SLC25A21: variants seen among roughly 807,000 people sequenced by gnomAD.
SLC25A21 encodes mitochondrial 2-oxodicarboxylate carrier.
Under a neutral mutation model 43.8 loss-of-function variants are expected in SLC25A21, and 47 were observed. The ratio of observed to expected loss-of-function variants is 1.07; its 90% confidence interval spans 0.85 to 1.37. The LOEUF (loss-of-function observed/expected upper bound fraction) is 1.37, where lower values mean the gene tolerates loss of function less well. Ranked by LOEUF, SLC25A21 falls within the 40% of genes most tolerant of loss-of-function variation. The probability of loss-of-function intolerance (pLI) is 0.00; values close to 1 mark genes in which losing one functional copy is unlikely to be tolerated. For missense variants in SLC25A21, 352 were observed against 350.2 expected (o/e 1.00, Z -0.04); for synonymous variants, 131 against 121.3 (o/e 1.08, Z -0.52).
At chr14:36,868,285 A>G (rs976418388) in intron 2 of SLC25A21, among the ~76,000 whole-genome samples, 2 of 152,170 alleles carry the variant, frequency 1.3e-5, no homozygotes, top group African/African-American at 4.8e-5. Context: ...AATTATACAC[A>G]CAGCTCTGTT....
At chr14:36,733,276 A>G (rs964914927) in intron 4 of SLC25A21, among the ~76,000 whole-genome samples, 4 of 152,222 alleles carry the variant, frequency 2.6e-5, no homozygotes, top group Non-Finnish European at 5.9e-5. Flanking sequence ...TCTTTTATCA[A>G]GTAAAGCCAT....
chr14:36,961,114 C>T (rs1195802305), intron 1 of SLC25A21, among the ~76,000 whole-genome samples: 1 of 129,484 alleles, frequency 7.7e-6, no homozygotes, highest in Admixed American at 7.9e-5. Context: ...ATACCACAAT[C>T]AATTAAAAAA....
chr14:36,762,589 T>C (rs1022677983), intron 3 of SLC25A21, among the ~76,000 whole-genome samples: 6 of 152,220 alleles, frequency 3.9e-5, no homozygotes, highest in African/African-American at 1.2e-4. Context: ...AAATATAAAC[T>C]GTCATCAATT....
At chr14:37,162,661 A>G (rs1259531417) in intron 1 of SLC25A21, among the ~76,000 whole-genome samples, 10 of 152,258 alleles carry the variant, frequency 6.6e-5, no homozygotes, top group East Asian at 1.9e-4. Flanking sequence ...GAGAGGATGT[A>G]GAGAAATAGG....
intron 1 of SLC25A21, among the ~76,000 whole-genome samples, chr14:37,040,219 A>T (rs1961418184): frequency 8.0e-5 from 1 of 12,566 alleles, no homozygotes; most frequent in Non-Finnish European, 1.2e-4. Context: ...AAAGAAAAAG[A>T]AAAAGAAAAA....
intron 3 of SLC25A21, among the ~76,000 whole-genome samples, chr14:36,785,613 G>A (rs1887221807): frequency 6.6e-6 from 1 of 152,088 alleles, no homozygotes; most frequent in Admixed American, 6.6e-5. Context: ...ATGAAAAGTG[G>A]GTTATACAGA....
At chr14:36,991,070 A>G (rs1178916321) in intron 1 of SLC25A21, among the ~76,000 whole-genome samples, 2 of 152,180 alleles carry the variant, frequency 1.3e-5, no homozygotes, top group African/African-American at 4.8e-5. Flanking sequence ...ATACTTCTGA[A>G]TCCTGTTTTA....
At position 37,172,590 on chromosome 14, in the gene SLC25A21, A is replaced by C. The variant is rs1964155676; in HGVS notation, c.-240T>G. 1 of 691,544 alleles carries C rather than the reference A, an allele frequency of 1.4e-6. No homozygotes were observed. The highest frequency in any genetic ancestry group is 2.6e-6 in the Non-Finnish European group (1 of 378,196). The allele number at this position is 691,544 out of a possible 1,614,324, so 42.8% of individuals were successfully genotyped here. A position where few individuals can be genotyped will look rare whatever the true frequency, so the allele number is the denominator to read the frequency against. ...CGCAGAGGCGCCCTCGGCTCCGAAAATGTCTCTGGAAAGAAGACCCGCGGA... is the reference window on the plus strand; with the variant it reads ...CGCAGAGGCGCCCTCGGCTCCGAAACTGTCTCTGGAAAGAAGACCCGCGGA... On this transcript the variant is annotated 5_prime_UTR_variant, in exon 1 of 10. Transcript: ENST00000331299.
chr14:36,987,705 T>C (rs1293442654), intron 1 of SLC25A21, among the ~76,000 whole-genome samples: 1 of 152,214 alleles, frequency 6.6e-6, no homozygotes, highest in Non-Finnish European at 1.5e-5. Context: ...GTTGTTTCCA[T>C]TTTTCCTATT....
At chr14:36,915,829 C>T (rs553160865) in intron 1 of SLC25A21, among the ~76,000 whole-genome samples, 43 of 152,200 alleles carry the variant, frequency 2.8e-4, no homozygotes, top group African/African-American at 9.4e-4. Flanking sequence ...TGCCTGGTAA[C>T]GTTGAAAAAT....
At chr14:36,790,078 G>A (rs1887429809) in intron 3 of SLC25A21, among the ~76,000 whole-genome samples, 1 of 149,674 alleles carries the variant, frequency 6.7e-6, no homozygotes, top group African/African-American at 2.5e-5. Flanking sequence ...CTTTCAACTT[G>A]AGGTTTGTAG....
chr14:36,866,213 A>C (rs1281734588), intron 2 of SLC25A21, among the ~76,000 whole-genome samples: 1 of 152,118 alleles, frequency 6.6e-6, no homozygotes, highest in Non-Finnish European at 1.5e-5. Flanking sequence ...TCCTGGCCTC[A>C]AGCAATCCTC....
chr14:36,824,157 G>T (rs712351), intron 2 of SLC25A21, among the ~76,000 whole-genome samples: 146,009 of 152,248 alleles, frequency 0.96, 70,314 homozygotes, highest in East Asian at 1. Flanking sequence ...ATAGCTTATT[G>T]AGCACTGATA....
chr14:36,834,131 C>T (rs976548857), intron 2 of SLC25A21, among the ~76,000 whole-genome samples: 6 of 152,036 alleles, frequency 3.9e-5, no homozygotes, highest in Non-Finnish European at 7.4e-5. Flanking sequence ...TAATAGCAAC[C>T]TAAGAATATA....
At chr14:36,941,178 T>C (rs1892547689) in intron 1 of SLC25A21, among the ~76,000 whole-genome samples, 1 of 152,032 alleles carries the variant, frequency 6.6e-6, no homozygotes. Context: ...CTACAATGCA[T>C]GTGATCAGGG....
At chr14:36,716,601 C>T (rs2139197582) in intron 6 of SLC25A21, among the ~76,000 whole-genome samples, 1 of 152,170 alleles carries the variant, frequency 6.6e-6, no homozygotes. Context: ...AAATGAAGCT[C>T]CCAGGCACCA....
intron 2 of SLC25A21, among the ~76,000 whole-genome samples, chr14:36,825,564 T>C (rs1232826284): frequency 1.3e-5 from 2 of 152,328 alleles, no homozygotes; most frequent in Non-Finnish European, 2.9e-5. Flanking sequence ...GCAGGTGCTT[T>C]GCTGGGTTGC....
chr14:36,882,482 ACTGTAGT>A (rs1280025200), intron 1 of SLC25A21, among the ~76,000 whole-genome samples: 2 of 152,186 alleles, frequency 1.3e-5, no homozygotes, highest in African/African-American at 4.8e-5. Context: ...AACACCAGAC[ACTGTAGT>A]CTATGTGAAT....
At chr14:36,819,147 T>C (rs1243294933) in intron 2 of SLC25A21, among the ~76,000 whole-genome samples, 1 of 152,202 alleles carries the variant, frequency 6.6e-6, no homozygotes, top group Non-Finnish European at 1.5e-5. Flanking sequence ...CAGAAAGGAA[T>C]GTGGCTCAAA....
Sources: gnomAD v4.1 joint callset for allele counts (sites outside exome capture counted in the v4.1 genomes callset) on GRCh38, gnomAD v4.1.1 for gene constraint, MANE v1.5 for transcripts, NCBI Gene and HGNC (gene_info 2026-07-23, HGNC 2026-07-21) for gene names.